Variants in JPH3 observed in about 807,000 individuals in gnomAD.
JPH3 encodes the protein junctophilin-3.
JPH3 carries 11 observed loss-of-function variants against 59.6 expected under a neutral mutation model. The observed-to-expected ratio is 0.18, with a 90% CI of 0.12 to 0.31. JPH3 has a LOEUF of 0.31. Among genes scored for constraint, JPH3 ranks in the 10% least tolerant of loss-of-function variants. The pLI is 1.00. For missense variants in JPH3, 1,202 were observed against 1,105.7 expected, an observed-to-expected ratio of 1.09 and a Z score of -1.24; for synonymous variants, 673 against 483.6, an observed-to-expected ratio of 1.39 and a Z score of -5.14.
chr16:87,675,455 C>G (rs1446421801), intron 2 of JPH3, among the ~76,000 whole-genome samples: 1 of 152,190 alleles, frequency 6.6e-6, no homozygotes, highest in Non-Finnish European at 1.5e-5. Context: ...CTGCACATAT[C>G]CAGCATGTGG....
rs570855572 is a variant in JPH3 at position 87,609,508 on chromosome 16, C to T, written c.382+5980C>T. On this transcript the variant is annotated intron_variant, in intron 1 of 4. Coordinates refer to ENST00000284262, the MANE Select transcript of JPH3 (RefSeq NM_020655.4). ...TCTTGAACTGAACTCAGGCGATCTG[C>T]GTGCCTCGGCCTCCCAAAGTGTTGG... Among the ~76,000 whole-genome samples the T allele has an allele frequency of 2.6e-5, 4 of 152,338 alleles. No homozygotes were observed. The South Asian group carries it at 6.2e-4, about 24-fold the overall frequency.
intron 3 of JPH3, among the ~76,000 whole-genome samples, chr16:87,688,679 C>T (rs1397421672): frequency 2.0e-5 from 3 of 152,122 alleles, no homozygotes; most frequent in Admixed American, 6.5e-5. Flanking sequence ...AGCTCTGCAC[C>T]ATTTTGGCTC....
intron 4 of JPH3, chr16:87,695,729 C>A (rs944803784): frequency 2.0e-5 from 7 of 346,338 alleles, no homozygotes; most frequent in South Asian, 8.3e-5. Context: ...GCTCCCTCTC[C>A]CCCTGCCTGG....
intron 2 of JPH3, among the ~76,000 whole-genome samples, chr16:87,678,421 C>T (rs1424033052): frequency 6.6e-6 from 1 of 152,026 alleles, no homozygotes; most frequent in African/African-American, 2.4e-5. Flanking sequence ...TACCTGTAGT[C>T]CCAGCTACTT....
rs1424238664 is a variant in JPH3, at chr16:87,613,092, T to TCC, written c.382+9565_382+9566insCC. Among the ~76,000 whole-genome samples, 136 of 121,758 alleles carry TCC rather than the reference T, an allele frequency of 1.1e-3. 1 individual carries two copies. The highest frequency in any genetic ancestry group is 1.9e-3 in the Non-Finnish European group (108 of 55,466). 79.9% of individuals were successfully genotyped at this position (121,758 alleles called of 152,430 possible). ...AGCACAATACCTACGTTTCTTTCTTTCTCTTTTTTTTTTTTTTTTTTTGAG... is the reference window on the plus strand; with the variant it reads ...AGCACAATACCTACGTTTCTTTCTTTCCCTCTTTTTTTTTTTTTTTTTTTGAG... On this transcript the variant is annotated intron_variant, in intron 1 of 4. Transcript: ENST00000284262.
At chr16:87,638,601 T>G (rs910980986) in intron 1 of JPH3, among the ~76,000 whole-genome samples, 2 of 151,968 alleles carry the variant, frequency 1.3e-5, no homozygotes, top group Non-Finnish European at 2.9e-5. Context: ...CTGAGGTGGG[T>G]CGGCTTGGTT....
chr16:87,645,256 G>C (rs913746326), intron 2 of JPH3, among the ~76,000 whole-genome samples: 11 of 152,214 alleles, frequency 7.2e-5, no homozygotes, highest in African/African-American at 2.7e-4. Flanking sequence ...TGATTTGTGG[G>C]GGTGTAGAGG....
intron 1 of JPH3, among the ~76,000 whole-genome samples, chr16:87,628,738 G>T (rs1425885272): frequency 6.6e-6 from 1 of 152,156 alleles, no homozygotes; most frequent in Non-Finnish European, 1.5e-5. Context: ...TGTGGTGAGT[G>T]GCCTTGGAGG....
intron 1 of JPH3, among the ~76,000 whole-genome samples, chr16:87,627,919 GC>G (rs2031437151): frequency 6.6e-6 from 1 of 152,226 alleles, no homozygotes; most frequent in Admixed American, 6.5e-5. Flanking sequence ...CACTAACCCT[GC>G]TGTCTGCCAG....
intron 4 of JPH3, among the ~76,000 whole-genome samples, chr16:87,691,349 G>A (rs187955926): frequency 5.9e-5 from 9 of 152,176 alleles, no homozygotes; most frequent in African/African-American, 1.9e-4. Context: ...TAGGATCTGC[G>A]CACGGCCAGG....
At chr16:87,684,115 C>CT (rs745914932) in intron 2 of JPH3, 27 bp from the exon 3 acceptor site, 195 of 1,599,184 alleles carry the variant, frequency 1.2e-4, no homozygotes, top group Non-Finnish European at 2.1e-5. Flanking sequence ...CCCTGCCCCC[C>CT]CTCACGCTCC....
chr16:87,677,775 C>A lies in JPH3; in HGVS notation c.1161-6367C>A, dbSNP rs144298389. Among the ~76,000 whole-genome samples, 417 of 152,312 alleles carry A rather than the reference C, an allele frequency of 2.7e-3. 1 individual carries two copies. Among genetic ancestry groups the A allele is most frequent in the African/African-American group, 9.2e-3 (381 of 41,564 alleles). ...CTCATTCATTTGTTCAGCTGAACAC[C>A]CACCTACGAGTGTGTACCAGGCAGA... is the stretch of plus-strand genomic sequence containing the variant. On this transcript the variant is annotated intron_variant, in intron 2 of 4. Coordinates refer to ENST00000284262, the MANE Select transcript of JPH3 (RefSeq NM_020655.4).
chr16:87,663,644 C>T (rs1161494066), intron 2 of JPH3, among the ~76,000 whole-genome samples: 1 of 152,194 alleles, frequency 6.6e-6, no homozygotes, highest in Non-Finnish European at 1.5e-5. Flanking sequence ...ATACGCACCT[C>T]ACACAGCCCC....
At chr16:87,671,167 G>C (rs888892617) in intron 2 of JPH3, among the ~76,000 whole-genome samples, 1 of 152,156 alleles carries the variant, frequency 6.6e-6, no homozygotes, top group Non-Finnish European at 1.5e-5. Context: ...GGGTATGTGC[G>C]GGGTCTTTGG....
chr16:87,645,481 A>G (rs558400715), intron 2 of JPH3, among the ~76,000 whole-genome samples: 1 of 152,286 alleles, frequency 6.6e-6, no homozygotes, highest in East Asian at 1.9e-4. Flanking sequence ...AGCTACCCAG[A>G]CCTGCGATCT....
chr16:87,652,856 C>G (rs9922490), intron 2 of JPH3, among the ~76,000 whole-genome samples: 16,461 of 152,272 alleles, frequency 0.11, 1,087 homozygotes, highest in African/African-American at 0.18. Flanking sequence ...TCAGAGGTGA[C>G]AAGTCCTGGG....
chr16:87,676,745 T>G lies in JPH3; in HGVS notation c.1161-7397T>G, dbSNP rs143398991. Among the ~76,000 whole-genome samples, 559 of 146,026 alleles carry G rather than the reference T, an allele frequency of 3.8e-3. 11 individuals carry two copies. The highest frequency in any genetic ancestry group is 0.029 in the Admixed American group (422 of 14,780). On this transcript the variant is annotated intron_variant, in intron 2 of 4. Transcript: ENST00000284262. ...CAAGACTCCATCTCAAAAAAAAAAT[T>G]GTTATCTCAGCCAGGCACAGTGGCT...
intron 4 of JPH3, chr16:87,694,518 G>GC (rs972547064): frequency 6.6e-6 from 1 of 152,244 alleles, no homozygotes; most frequent in Non-Finnish European, 1.5e-5. Context: ...TCCGGGCAAG[G>GC]CCGTGACCCC....
At chr16:87,677,185 T>TATATACACACACACACACAC (rs1491266129) in intron 2 of JPH3, among the ~76,000 whole-genome samples, 7 of 95,188 alleles carry the variant, frequency 7.4e-5, no homozygotes, top group African/African-American at 2.4e-4. Context: ...TATATATATA[T>TATATACACACACACACACAC]ACACACACAC....
Sources: allele counts gnomAD v4.1 joint callset (sites outside exome capture counted in the v4.1 genomes callset), GRCh38; gene constraint gnomAD v4.1.1; transcripts MANE v1.5; gene names NCBI Gene and HGNC (gene_info 2026-07-23, HGNC 2026-07-21).